Variants in AP3B1 observed in about 807,000 individuals in gnomAD.
AP3B1 encodes AP-3 complex subunit beta-1.
AP3B1 carries 61 observed loss-of-function variants against 132.5 expected under a neutral mutation model. That is an observed-to-expected ratio of 0.46 (90% CI 0.37 to 0.57). The LOEUF is 0.57. AP3B1 is among the 20% of genes least tolerant of loss of function. The pLI is 0.00. For missense variants in AP3B1, 1,120 were observed against 1,289.4 expected, an observed-to-expected ratio of 0.87 and a Z score of 2.01; for synonymous variants, 388 against 438.3, an observed-to-expected ratio of 0.89 and a Z score of 1.43.
chr5:78,258,213 G>C (rs1747931470), intron 2 of AP3B1, among the ~76,000 whole-genome samples: 1 of 152,160 alleles, frequency 6.6e-6, no homozygotes, highest in Admixed American at 6.5e-5. Flanking sequence ...GATCAACAAA[G>C]TGAAGAGACA....
chr5:78,068,376 G>T (rs941238301), intron 22 of AP3B1, among the ~76,000 whole-genome samples: 2 of 149,006 alleles, frequency 1.3e-5, no homozygotes, highest in Non-Finnish European at 3.0e-5. Flanking sequence ...GAAGGAGAAG[G>T]AGAAGAAGGA....
chr5:78,131,878 T>C (rs549293686), intron 15 of AP3B1, among the ~76,000 whole-genome samples: 1 of 152,302 alleles, frequency 6.6e-6, no homozygotes, highest in Non-Finnish European at 1.5e-5. Flanking sequence ...TGGCATTTAC[T>C]AGTGACACTT....
chr5:78,253,566 G>A (rs1301631222), intron 2 of AP3B1, among the ~76,000 whole-genome samples: 1 of 152,126 alleles, frequency 6.6e-6, no homozygotes, highest in Non-Finnish European at 1.5e-5. Context: ...AAGGCACCAA[G>A]CACCAATTCT....
At chr5:78,292,654 A>G (rs1225984583) in intron 1 of AP3B1, among the ~76,000 whole-genome samples, 1 of 152,210 alleles carries the variant, frequency 6.6e-6, no homozygotes, top group South Asian at 2.1e-4. Flanking sequence ...GAATGAGATA[A>G]TAAATGTAAA....
At chr5:78,115,763 T>C (rs912779208) in intron 18 of AP3B1, among the ~76,000 whole-genome samples, 8 of 152,212 alleles carry the variant, frequency 5.3e-5, no homozygotes, top group Non-Finnish European at 1.2e-4. Context: ...AAATAAACTT[T>C]ACGTTTTTGT....
rs527543086 is a variant in AP3B1 at position 78,240,142 on chromosome 5, T to C, written c.279+720A>G. 9.2e-5 allele frequency among the ~76,000 whole-genome samples: 14 copies of C among 152,342 alleles called. No homozygotes were observed. In the South Asian group the frequency reaches 2.9e-3, roughly 32 times the overall value. ...TAACCATGTTCCCTGGATTAGAATG[T>C]TTCTGTTATTTGTTAATGAGCTTCA... On this transcript the variant is annotated intron_variant, in intron 3 of 26. Transcript: ENST00000255194.
chr5:78,275,926 T>C (rs1748755454), intron 1 of AP3B1, among the ~76,000 whole-genome samples: 1 of 152,210 alleles, frequency 6.6e-6, no homozygotes, highest in African/African-American at 2.4e-5. Flanking sequence ...AACATTCTTT[T>C]CAATTGTACA....
At chr5:78,158,343 G>A (rs984939482) in intron 13 of AP3B1, among the ~76,000 whole-genome samples, 3 of 151,992 alleles carry the variant, frequency 2.0e-5, no homozygotes, top group African/African-American at 7.3e-5. Flanking sequence ...TATAGTACCA[G>A]CTATTCAGGA....
intron 2 of AP3B1, among the ~76,000 whole-genome samples, chr5:78,264,509 G>A (rs886969224): frequency 1.7e-4 from 26 of 152,144 alleles, no homozygotes; most frequent in African/African-American, 6.3e-4. Context: ...ACCCACTAAA[G>A]TTCTATAGGT....
intron 3 of AP3B1, among the ~76,000 whole-genome samples, chr5:78,235,132 A>C (rs752270596): frequency 6.6e-6 from 1 of 151,880 alleles, no homozygotes; most frequent in Non-Finnish European, 1.5e-5. Context: ...GGTAATTAGG[A>C]CTCTAGGTGC....
At chr5:78,257,719 A>T (rs1747907837) in intron 2 of AP3B1, among the ~76,000 whole-genome samples, 2 of 152,168 alleles carry the variant, frequency 1.3e-5, no homozygotes, top group Middle Eastern at 3.4e-3. Context: ...CCAAAGTTAT[A>T]TTAAGCAAAA....
chr5:78,253,963 A>G (rs1747748510), intron 2 of AP3B1, among the ~76,000 whole-genome samples: 2 of 151,914 alleles, frequency 1.3e-5, no homozygotes, highest in South Asian at 4.1e-4. Context: ...ACCTCAAAAA[A>G]AAAAAAAAAA....
At chr5:78,186,988 A>C (rs973744765) in intron 7 of AP3B1, among the ~76,000 whole-genome samples, 3 of 152,300 alleles carry the variant, frequency 2.0e-5, no homozygotes, top group Middle Eastern at 6.8e-3. Context: ...AAACTCACAA[A>C]ATTTATACTC....
intron 19 of AP3B1, 86 bp downstream of exon 19, chr5:78,113,666 C>T (rs1266818248): frequency 2.0e-6 from 3 of 1,473,754 alleles, no homozygotes; most frequent in East Asian, 4.5e-5. Flanking sequence ...TTTCTCTCAC[C>T]ATTTTTTGAT....
At chr5:78,028,352 C>T (rs999684670) in intron 24 of AP3B1, among the ~76,000 whole-genome samples, 6 of 149,406 alleles carry the variant, frequency 4.0e-5, no homozygotes, top group South Asian at 2.1e-4. Flanking sequence ...CCCAGCTACT[C>T]GGGAGGCTGA....
intron 22 of AP3B1, among the ~76,000 whole-genome samples, chr5:78,040,538 T>C (rs1748032843): frequency 6.6e-6 from 1 of 152,174 alleles, no homozygotes; most frequent in African/African-American, 2.4e-5. Context: ...AATTCTTCCC[T>C]CAATCTCATT....
intron 24 of AP3B1, among the ~76,000 whole-genome samples, chr5:78,023,610 G>C (rs1747203865): frequency 6.6e-6 from 1 of 152,106 alleles, no homozygotes; most frequent in Non-Finnish European, 1.5e-5. Flanking sequence ...CCACAAAAAG[G>C]ATAAAGCGCA....
At chr5:78,011,025 A>G (rs1292958221) in intron 26 of AP3B1, among the ~76,000 whole-genome samples, 4 of 150,632 alleles carry the variant, frequency 2.7e-5, no homozygotes, top group Non-Finnish European at 1.5e-5. Context: ...CGCAATGACC[A>G]TAATTCTGTA....
chr5:78,194,697 T>C (rs988298560), intron 7 of AP3B1, among the ~76,000 whole-genome samples: 3 of 152,218 alleles, frequency 2.0e-5, no homozygotes, highest in Non-Finnish European at 4.4e-5. Context: ...ATGACAGATC[T>C]TCCTTACAAA....
Sources: gnomAD v4.1 joint callset for allele counts (sites outside exome capture counted in the v4.1 genomes callset) on GRCh38, gnomAD v4.1.1 for gene constraint, MANE v1.5 for transcripts, NCBI Gene and HGNC (gene_info 2026-07-23, HGNC 2026-07-21) for gene names.